Variants in DNAH1 observed in about 807,000 individuals in gnomAD.
The protein encoded by DNAH1 is axonemal beta dynein heavy chain 1.
Under a neutral mutation model 484.3 loss-of-function variants are expected in DNAH1, and 327 were observed. The ratio of observed to expected loss-of-function variants is 0.68; its 90% CI spans 0.62 to 0.74. DNAH1 has a LOEUF of 0.74. DNAH1 is among the 30% of genes least tolerant of loss of function. The pLI is 0.00. For synonymous variants in DNAH1, 2,192 were observed against 2,191.9 expected, an observed-to-expected ratio of 1.00 and a Z score of 0.00; for missense variants, 5,052 against 5,546.8, an observed-to-expected ratio of 0.91 and a Z score of 2.83.
At chr3:52,335,915 T>C (rs1169219244) in intron 8 of DNAH1, among the ~76,000 whole-genome samples, 1 of 152,256 alleles carries the variant, frequency 6.6e-6, no homozygotes, top group Non-Finnish European at 1.5e-5. Context: ...ATTACAGGCC[T>C]GAGCCACCGC....
intron 49 of DNAH1, 115 bp from the exon 50 acceptor site, chr3:52,382,205 C>A: frequency 6.4e-7 from 1 of 1,552,088 alleles, no homozygotes; most frequent in Non-Finnish European, 8.8e-7. Context: ...GTCTGCAGGT[C>A]TGCCCAGGAT....
At position 52,379,780 on chromosome 3, in the gene DNAH1, G is replaced by A. The variant is rs1008677022; in HGVS notation, c.7378-125G>A. The A allele has an allele frequency of 3.6e-5, 29 of 815,564 alleles. No homozygotes were observed. Among genetic ancestry groups the A allele is most frequent in the African/African-American group, 5.2e-5 (3 of 57,498 alleles). The allele number at this position is 815,564 out of a possible 1,614,324, so 50.5% of individuals were successfully genotyped here. ...CCCCCACACACTGTCCCTGGGCCAT[G>A]GTGGGAGAGCCAGGCTCCAGTCAGG... is the stretch of plus-strand genomic sequence containing the variant. On this transcript the variant is annotated intron_variant, in intron 47 of 77. Coordinates refer to ENST00000420323, the MANE Select transcript of DNAH1 (RefSeq NM_015512.5). This position sits in a 1 kb window ranked among gnomAD's most constrained non-coding sequence, Gnocchi z 4.4.
Position 52,357,909 on chromosome 3 carries a change from T to C in DNAH1, c.3992T>C (p.Leu1331Pro). Residue 1331 changes from leucine to proline, a missense_variant, in exon 24 of 78, where the codon CTG becomes CCG. Coordinates refer to ENST00000420323, the MANE Select transcript of DNAH1 (RefSeq NM_015512.5). ...TGTTCCCCTGGCAGATTCTACTTCCTGTCAGATGATGAACTACTAGAGATC... is the reference window on the plus strand; with the variant it reads ...TGTTCCCCTGGCAGATTCTACTTCCCGTCAGATGATGAACTACTAGAGATC... Reference protein sequence around the residue: ...KRSAFPRFYFLSDDELLEILS... With the variant: ...KRSAFPRFYFPSDDELLEILS... The C allele has an allele frequency of 6.2e-7, 1 of 1,612,848 alleles. No individual in the cohort carries two copies. Among genetic ancestry groups the C allele is most frequent in the South Asian group, 1.1e-5 (1 of 91,004 alleles).
intron 46 of DNAH1, among the ~76,000 whole-genome samples, chr3:52,378,378 A>G (rs1035982413): frequency 1.1e-4 from 17 of 151,110 alleles, no homozygotes; most frequent in Admixed American, 4.0e-4. Context: ...CCGACAGGCC[A>G]TGTCAGCATA....
At position 52,364,374 on chromosome 3, in the gene DNAH1, G is replaced by T. The variant is rs2153224468; in HGVS notation, c.5245-264G>T. The stretch of plus-strand genomic sequence containing the variant: ...AGGGCCCTCCTGCCCCTGGCCATGT[G>T]CTGGGACAGTGACCAAAGGATGCAG... On this transcript the variant is annotated intron_variant, in intron 32 of 77. Transcript: ENST00000420323. The surrounding 1 kb of genome is among the most constrained non-coding windows in gnomAD (Gnocchi z 4.2). 6.6e-6 allele frequency among the ~76,000 whole-genome samples: 1 copy of T among 152,360 alleles called. No individual in the cohort carries two copies. Among genetic ancestry groups the T allele is most frequent in the South Asian group, 2.1e-4 (1 of 4,832 alleles).
In DNAH1 at chr3:52,354,498, T is replaced by C. The variant is rs1478103050; in HGVS notation, c.3481-345T>C. 2.0e-5 allele frequency among the ~76,000 whole-genome samples: 3 copies of C among 152,166 alleles called. No homozygotes were observed. In the East Asian group the frequency reaches 5.8e-4, roughly 29 times the overall value. ...AAATACAAAAAATAGTGGGGTGTGG[T>C]GGCACATGCCTGTAATCCCAGCTAC... On this transcript the variant is annotated intron_variant, in intron 20 of 77. Transcript: ENST00000420323.
intron 13 of DNAH1, 30 bp downstream of exon 13, chr3:52,349,111 G>A: frequency 1.2e-6 from 2 of 1,612,596 alleles, no homozygotes; most frequent in East Asian, 2.2e-5. Context: ...CACGTCGGAG[G>A]GTGTCTGTGT....
rs11716017 is a variant in DNAH1, at chr3:52,346,975, C to T, written c.1955+205C>T. 0.18 allele frequency among the ~76,000 whole-genome samples: 26,957 copies of T among 151,724 alleles called. 2,703 individuals carry two copies. Among genetic ancestry groups the T allele is most frequent in the African/African-American group, 0.26 (10,648 of 41,496 alleles). On this transcript the variant is annotated intron_variant, in intron 11 of 77. Transcript: ENST00000420323. ...TTCTGGTGACCTTCATTCACTCAAT[C>T]ATTGAGTTACTCAGTGGAGAAATAT...
chr3:52,312,879 CCTGACCTCGTGAT>C (rs1397422798), upstream of DNAH1, among the ~76,000 whole-genome samples: 2 of 151,998 alleles, frequency 1.3e-5, no homozygotes, highest in Non-Finnish European at 2.9e-5. Flanking sequence ...GTCTCGATCT[CCTGACCTCGTGAT>C]CTGCCCGCCT....
intron 32 of DNAH1, 141 bp downstream of exon 32, chr3:52,363,285 G>T: frequency 1.7e-6 from 2 of 1,161,258 alleles, no homozygotes; most frequent in Non-Finnish European, 2.4e-6. Context: ...AACCCTTGGA[G>T]ATAGGAGTTA....
At position 52,326,126 on chromosome 3, in the gene DNAH1, G is replaced by T; in HGVS notation, c.407-14G>T. The T allele has an allele frequency of 6.4e-7, 1 of 1,571,708 alleles. No homozygotes were observed. Among genetic ancestry groups the T allele is most frequent in the East Asian group, 2.3e-5 (1 of 43,472 alleles). Reference sequence around the variant, plus strand: ...CCTGAGCCCTGAAGCCCCTGCCCCTGCTTCTACCTGCAGTCGGAAGCTTTG... The same window carrying T: ...CCTGAGCCCTGAAGCCCCTGCCCCTTCTTCTACCTGCAGTCGGAAGCTTTG... On this transcript the variant is annotated splice_polypyrimidine_tract_variant and intron_variant, in intron 3 of 77. Coordinates refer to ENST00000420323, the MANE Select transcript of DNAH1 (RefSeq NM_015512.5).
rs763577633 is a variant in DNAH1, at chr3:52,349,233, G to A, written c.2339G>A (p.Arg780Gln). Residue 780 changes from arginine (R) to glutamine (Q), a missense_variant, in exon 14 of 78, where the codon CGG becomes CAG. Transcript: ENST00000420323. ...CAGGGCCTGTTGGCCCAGGAGGTGC[G>A]GGAGGTAGTGCTCACCCACCTGCGG... ...QTQGLLAQEVREVVLTHLREK... is the reference protein window; with the variant it reads ...QTQGLLAQEVQEVVLTHLREK... The A allele has an allele frequency of 5.0e-5, 81 of 1,613,702 alleles. No homozygotes were observed. Among genetic ancestry groups the A allele is most frequent in the Non-Finnish European group, 6.6e-5 (78 of 1,179,828 alleles).
intron 3 of DNAH1, among the ~76,000 whole-genome samples, chr3:52,324,945 C>G (rs528756490): frequency 6.6e-6 from 1 of 152,028 alleles, no homozygotes; most frequent in Non-Finnish European, 1.5e-5. Flanking sequence ...TAGCCTGCCC[C>G]GGCCCGCGGA....
At chr3:52,359,633 C>T (rs1336076248) in intron 26 of DNAH1, among the ~76,000 whole-genome samples, 2 of 152,334 alleles carry the variant, frequency 1.3e-5, no homozygotes, top group East Asian at 3.9e-4. Context: ...TGCACAGTAC[C>T]ACAGGCACCC....
At chr3:52,345,108 G>A (rs2153223713) in intron 9 of DNAH1, among the ~76,000 whole-genome samples, 1 of 152,340 alleles carries the variant, frequency 6.6e-6, no homozygotes, top group East Asian at 1.9e-4. Context: ...GCTGGGGTGT[G>A]GACAGTGGGC....
At position 52,361,962 on chromosome 3, in the gene DNAH1, C is replaced by T. The variant is rs1427036444; in HGVS notation, c.4980+196C>T. On this transcript the variant is annotated intron_variant, in intron 30 of 77. Coordinates refer to ENST00000420323, the MANE Select transcript of DNAH1 (RefSeq NM_015512.5). This position sits in a 1 kb window ranked among gnomAD's most constrained non-coding sequence, Gnocchi z 5.6. ...GCGGGGGATGAAGGGGTCCCCTCCTCATTACATCCTGACCTTTATGGAAAG... is the reference window on the plus strand; with the variant it reads ...GCGGGGGATGAAGGGGTCCCCTCCTTATTACATCCTGACCTTTATGGAAAG... Among the ~76,000 whole-genome samples, 1 of 152,230 alleles carries T rather than the reference C, an allele frequency of 6.6e-6. No homozygotes were observed. Among genetic ancestry groups the T allele is most frequent in the Admixed American group, 6.5e-5 (1 of 15,292 alleles).
In DNAH1 at chr3:52,366,822, G is replaced by T; in HGVS notation, c.5700G>T (p.Val1900=). Residue 1900 remains valine, a synonymous_variant, in exon 36 of 78, where the codon GTG becomes GTT. Coordinates refer to ENST00000420323, the MANE Select transcript of DNAH1 (RefSeq NM_015512.5). ...TGTACGAGGCTGTCAACTACTACGT[G>T]CTCAACCCCAAGTCCATCACGATGG... ...GGMYEAVNYY[V]LNPKSITMGQ... 1 of 1,613,924 alleles carries T rather than the reference G, an allele frequency of 6.2e-7. No homozygotes were observed. The highest frequency in any genetic ancestry group is 8.5e-7 in the Non-Finnish European group (1 of 1,179,848).
intron 37 of DNAH1, among the ~76,000 whole-genome samples, 193 bp from the exon 38 acceptor site, chr3:52,369,632 A>G (rs1351932631): frequency 1.3e-5 from 2 of 152,038 alleles, no homozygotes; most frequent in East Asian, 3.9e-4. Context: ...GGTCCTCCTC[A>G]GGGCTCCAGG....
chr3:52,344,437 G>C, intron 8 of DNAH1, 53 bp from the exon 9 acceptor site: 1 of 1,586,694 alleles, frequency 6.3e-7, no homozygotes, highest in Non-Finnish European at 8.6e-7. Context: ...CCCCGGCTGG[G>C]GTTCACAGGG....
Sources: allele counts gnomAD v4.1 joint callset (sites outside exome capture counted in the v4.1 genomes callset), GRCh38; gene constraint gnomAD v4.1.1; non-coding constraint Gnocchi (gnomAD v3.1); transcripts MANE v1.5; gene names NCBI Gene and HGNC (gene_info 2026-07-23, HGNC 2026-07-21).